Variants in TRIM45 observed in about 807,000 individuals in gnomAD.
TRIM45 encodes tripartite motif containing 45.
Under a neutral mutation model 46.7 loss-of-function variants are expected in TRIM45, and 45 were observed. The observed-to-expected ratio is 0.96, with a 90% CI of 0.76 to 1.24. TRIM45 has a LOEUF of 1.24. Among genes scored for constraint, TRIM45 ranks in the 50% most tolerant of loss-of-function variants. TRIM45 has a pLI of 0.00. For synonymous variants in TRIM45, 259 were observed against 285.8 expected (o/e 0.91, Z 0.94); for missense variants, 680 against 728.4 (o/e 0.93, Z 0.77).
chr1:117,112,900 T>A (rs184435256), intron 5 of TRIM45, among the ~76,000 whole-genome samples: 40 of 152,260 alleles, frequency 2.6e-4, no homozygotes, highest in Admixed American at 1.9e-3. Context: ...AATTTTTTTT[T>A]AAAGTAATTA....
upstream of TRIM45, among the ~76,000 whole-genome samples, chr1:117,123,910 C>T (rs1650759550): frequency 6.6e-6 from 1 of 152,126 alleles, no homozygotes; most frequent in African/African-American, 2.4e-5. Context: ...GGATTACAGG[C>T]GTGAGCCACC....
upstream of TRIM45, chr1:117,121,969 G>C (rs887019857): frequency 1.6e-6 from 1 of 619,884 alleles, no homozygotes. This position sits in a 1 kb window ranked among gnomAD's most constrained non-coding sequence, Gnocchi z 4.2. Context: ...AGTGCGGCGG[G>C]AGGAAAAGGC....
chr1:117,119,818 T>C (rs1024421665), intron 1 of TRIM45, among the ~76,000 whole-genome samples: 2 of 152,070 alleles, frequency 1.3e-5, no homozygotes, highest in South Asian at 2.1e-4. Context: ...GCAGAGAAAA[T>C]AGGGTTAGCT....
At chr1:117,119,936 A>T (rs1413631703) in intron 1 of TRIM45, among the ~76,000 whole-genome samples, 6 of 152,186 alleles carry the variant, frequency 3.9e-5, no homozygotes, top group African/African-American at 1.4e-4. Context: ...AAACAAATGG[A>T]AGTAGAACCC....
chr1:117,116,583 G>A lies in TRIM45; in HGVS notation c.1352+33C>T. ...CATGTTTCCAGTTTTCTCACTGCCT[G>A]TTATCCATGACACCTAATTGTGTCA... On this transcript the variant is annotated intron_variant, in intron 3 of 5. Coordinates refer to ENST00000256649, the MANE Select transcript of TRIM45 (RefSeq NM_025188.4). The surrounding 1 kb of genome is among the most constrained non-coding windows in gnomAD (Gnocchi z 4.6). 1 of 1,609,210 alleles carries A rather than the reference G, an allele frequency of 6.2e-7. No individual in the cohort carries two copies.
rs751322882 is a variant in TRIM45, at chr1:117,121,008, C to G, written c.194G>C (p.Arg65Pro). 4 of 1,614,164 alleles carry G rather than the reference C, an allele frequency of 2.5e-6. No individual in the cohort carries two copies. The highest frequency in any genetic ancestry group is 3.4e-6 in the Non-Finnish European group (4 of 1,180,032). Residue 65 changes from arginine (R) to proline (P), a missense_variant, in exon 1 of 6, where the codon CGA becomes CCA. Arg to Pro is a moderately radical substitution (Grantham distance 103). This residue lies in a region of TRIM45 where 349 missense variants were observed against 343.6 expected (regional missense o/e 1.02). Transcript: ENST00000256649. This position sits in a 1 kb window ranked among gnomAD's most constrained non-coding sequence, Gnocchi z 4.2. ...QLEPFSVVDI[R>P]GGDSDTSSEG... ...AGAGCTTGTGTCAGAGTCTCCCCCT[C>G]GGATGTCCACTACTGAGAAGGGCTC...
rs1317259035 is a variant in TRIM45, at chr1:117,113,874, A to C, written c.1468-389T>G. ...AAGATGGCAGCAAAAGCAGAAGCCC[A>C]TGCCACAATAAGCTTAAGCTTTTCT... On this transcript the variant is annotated intron_variant, in intron 4 of 5. Transcript: ENST00000256649. This position sits in a 1 kb window ranked among gnomAD's most constrained non-coding sequence, Gnocchi z 4.0. 1.3e-5 allele frequency among the ~76,000 whole-genome samples: 2 copies of C among 152,270 alleles called. No individual in the cohort carries two copies. Among genetic ancestry groups the C allele is most frequent in the African/African-American group, 4.8e-5 (2 of 41,474 alleles).
At position 117,116,609 on chromosome 1, in the gene TRIM45, T is replaced by C. The variant is rs1056418274; in HGVS notation, c.1352+7A>G. On this transcript the variant is annotated splice_region_variant and intron_variant, in intron 3 of 5. Coordinates refer to ENST00000256649, the MANE Select transcript of TRIM45 (RefSeq NM_025188.4). The surrounding 1 kb of genome is among the most constrained non-coding windows in gnomAD (Gnocchi z 4.6). ...TTATCCATGACACCTAATTGTGTCATACAAACCTGTCTTTCTTATCTTTAG... is the reference window on the plus strand; with the variant it reads ...TTATCCATGACACCTAATTGTGTCACACAAACCTGTCTTTCTTATCTTTAG... 1.2e-6 allele frequency: 2 copies of C among 1,613,336 alleles called. No individual in the cohort carries two copies. Among genetic ancestry groups the C allele is most frequent in the East Asian group, 2.2e-5 (1 of 44,856 alleles).
In TRIM45 at chr1:117,116,642, G is replaced by A. The variant is rs1273257118; in HGVS notation, c.1326C>T (p.Ala442=). 9.3e-6 allele frequency: 15 copies of A among 1,613,738 alleles called. No individual in the cohort carries two copies. Among genetic ancestry groups the A allele is most frequent in the Non-Finnish European group, 1.3e-5 (15 of 1,179,978 alleles). ...TGTCTTTCTTATCTTTAGGGACAAC[G>A]GCAACTTGAACGTTGTCTCCTCCCC... ...MGRGGDNVQV[A]VVPKDKKDSP... Residue 442 remains alanine (A), a synonymous_variant, in exon 3 of 6, where the codon GCC becomes GCT. Coordinates refer to ENST00000256649, the MANE Select transcript of TRIM45 (RefSeq NM_025188.4). The surrounding 1 kb of genome is among the most constrained non-coding windows in gnomAD (Gnocchi z 4.6).
At position 117,116,696 on chromosome 1, in the gene TRIM45, A is replaced by G; in HGVS notation, c.1272T>C (p.Cys424=). The G allele has an allele frequency of 6.2e-7, 1 of 1,614,042 alleles. No individual in the cohort carries two copies. Among genetic ancestry groups the G allele is most frequent in the African/African-American group, 1.3e-5 (1 of 74,992 alleles). Residue 424 remains cysteine (C), a synonymous_variant, in exon 3 of 6, where the codon TGT becomes TGC. Transcript: ENST00000256649. The surrounding 1 kb of genome is among the most constrained non-coding windows in gnomAD (Gnocchi z 4.6). ...EKQTASFTLL[C]KDAAGEIMGR... is the part of the protein sequence containing the mutation. ...CCATGATTTCTCCTGCGGCATCCTT[A>G]CAAAGCAGGGTGAAAGAGGCCGTCT...
At position 117,118,767 on chromosome 1, in the gene TRIM45, C is replaced by T; in HGVS notation, c.489G>A (p.Arg163=). 1 of 1,609,188 alleles carries T rather than the reference C, an allele frequency of 6.2e-7. No homozygotes were observed. The highest frequency in any genetic ancestry group is 8.5e-7 in the Non-Finnish European group (1 of 1,177,230). ...TGTGGTAAGTCGTTTTCTTCTGCCG[C>T]CTAGGGGCAAACAGAATCAGTAACA... ...NLCHFCCQAH[R]RQKKTTYHTM... is the part of the protein sequence containing the mutation. The change falls in exon 2 of 6, where the codon AGG becomes AGA. Residue 163 remains arginine, a splice_region_variant and synonymous_variant. Transcript: ENST00000256649. This position sits in a 1 kb window ranked among gnomAD's most constrained non-coding sequence, Gnocchi z 5.7.
chr1:117,120,536 T>C (rs1260812211), intron 1 of TRIM45, among the ~76,000 whole-genome samples, 178 bp downstream of exon 1: 1 of 152,262 alleles, frequency 6.6e-6, no homozygotes, highest in Non-Finnish European at 1.5e-5. Context: ...GGTACTATAT[T>C]AGGCTAACCG....
chr1:117,121,744 T>G lies in TRIM45; in HGVS notation c.-543A>C, dbSNP rs1353377040. On this transcript the variant is annotated 5_prime_UTR_variant, in exon 1 of 6. Transcript: ENST00000256649. This position sits in a 1 kb window ranked among gnomAD's most constrained non-coding sequence, Gnocchi z 4.2. Reference sequence around the variant, plus strand: ...GCCTCGGCCCGGGACGCCCGCGGGCTCTGGCCCCTCCTCACACCAATCCCA... The same window carrying G: ...GCCTCGGCCCGGGACGCCCGCGGGCGCTGGCCCCTCCTCACACCAATCCCA... 1.2e-4 allele frequency: 78 copies of G among 649,504 alleles called. No homozygotes were observed. The highest frequency in any genetic ancestry group is 7.1e-4 in the Admixed American group (28 of 39,608). 40.2% of individuals were successfully genotyped at this position (649,504 alleles called of 1,614,324 possible).
At position 117,113,544 on chromosome 1, in the gene TRIM45, C is replaced by T. The variant is rs41276578; in HGVS notation, c.1468-59G>A. ...TCTTACGAGTTAACAGGATGTGCTG[C>T]GCATCACTATGTGCTAAACAGAGTC... is the stretch of plus-strand genomic sequence containing the variant. On this transcript the variant is annotated intron_variant, in intron 4 of 5. Coordinates refer to ENST00000256649, the MANE Select transcript of TRIM45 (RefSeq NM_025188.4). This position sits in a 1 kb window ranked among gnomAD's most constrained non-coding sequence, Gnocchi z 4.0. 1.7e-4 allele frequency: 268 copies of T among 1,584,916 alleles called. No individual in the cohort carries two copies. The highest frequency in any genetic ancestry group is 2.2e-4 in the Middle Eastern group (1 of 4,566).
In TRIM45 at chr1:117,116,664, C is replaced by T; in HGVS notation, c.1304G>A (p.Gly435Glu). ...AACGGCAACTTGAACGTTGTCTCCT[C>T]CCCTGCCCATGATTTCTCCTGCGGC... is the stretch of plus-strand genomic sequence containing the variant. ...KDAAGEIMGR[G>E]GDNVQVAVVP... The change falls in exon 3 of 6, where the codon GGA becomes GAA. Residue 435 changes from glycine to glutamate, a missense_variant. Coordinates refer to ENST00000256649, the MANE Select transcript of TRIM45 (RefSeq NM_025188.4). The surrounding 1 kb of genome is among the most constrained non-coding windows in gnomAD (Gnocchi z 4.6). 3 of 1,614,116 alleles carry T rather than the reference C, an allele frequency of 1.9e-6. No individual in the cohort carries two copies. The highest frequency in any genetic ancestry group is 1.3e-5 in the African/African-American group (1 of 75,046).
In TRIM45 at chr1:117,116,634, G is replaced by A. The variant is rs754953668; in HGVS notation, c.1334C>T (p.Pro445Leu). ...TACAAACCTGTCTTTCTTATCTTTA[G>A]GGACAACGGCAACTTGAACGTTGTC... ...GGDNVQVAVV[P>L]KDKKDSPVRT... Residue 445 changes from proline to leucine, a missense_variant, in exon 3 of 6, where the codon CCT becomes CTT. Physicochemically the swap from Pro to Leu is moderately conservative, Grantham distance 98. Around this residue, in one of 3 missense-constraint regions of TRIM45, gnomAD observed 322 missense variants for 359.3 expected, o/e 0.90. Transcript: ENST00000256649. The surrounding 1 kb of genome is among the most constrained non-coding windows in gnomAD (Gnocchi z 4.6). 3 of 1,613,770 alleles carry A rather than the reference G, an allele frequency of 1.9e-6. No individual in the cohort carries two copies. In the South Asian group the frequency reaches 3.3e-5, roughly 18 times the overall value.
Position 117,112,195 on chromosome 1 carries a change from G to C in TRIM45, c.*110C>G, listed in dbSNP as rs1650239474. On this transcript the variant is annotated 3_prime_UTR_variant, in exon 6 of 6. Coordinates refer to ENST00000256649, the MANE Select transcript of TRIM45 (RefSeq NM_025188.4). ...GCACTTGAACTCCAGTGCAAGATAA[G>C]GCACTTTGTTTTTAATTCTATCAGT... 2 of 1,160,562 alleles carry C rather than the reference G, an allele frequency of 1.7e-6. No individual in the cohort carries two copies. Among genetic ancestry groups the C allele is most frequent in the East Asian group, 5.7e-5 (2 of 35,176 alleles). The allele number at this position is 1,160,562 out of a possible 1,614,324, so 71.9% of individuals were successfully genotyped here.
At chr1:117,119,371 T>C (rs1454163225) in intron 1 of TRIM45, among the ~76,000 whole-genome samples, 1 of 152,132 alleles carries the variant, frequency 6.6e-6, no homozygotes, top group African/African-American at 2.4e-5. Flanking sequence ...TTTGGGAGGC[T>C]GAGGTGGGCG....
upstream of TRIM45, chr1:117,121,856 A>C: frequency 1.4e-6 from 1 of 714,902 alleles, no homozygotes. The surrounding 1 kb of genome is among the most constrained non-coding windows in gnomAD (Gnocchi z 4.2). Context: ...GAGTGACGCC[A>C]CTAAGCATCC....
Sources: gnomAD v4.1 joint callset for allele counts (sites outside exome capture counted in the v4.1 genomes callset) on GRCh38, gnomAD v4.1.1 for gene constraint, gnomAD v4.1.1 regional missense constraint, Gnocchi (gnomAD v3.1) non-coding constraint, MANE v1.5 for transcripts, NCBI Gene and HGNC (gene_info 2026-07-23, HGNC 2026-07-21) for gene names.